The following PPM1B variants were observed in gnomAD, a reference collection of about 807,000 sequenced individuals.
PPM1B encodes protein phosphatase, Mg2+/Mn2+ dependent 1B, also known as protein phosphatase 1B.
In PPM1B, 22 loss-of-function variants were observed where a neutral mutation model predicts 43.0. The observed-to-expected ratio is 0.51, with a 90% confidence interval of 0.37 to 0.73. The LOEUF (loss-of-function observed/expected upper bound fraction) is 0.73, where lower values mean the gene tolerates loss of function less well. Ranked by LOEUF, PPM1B falls within the 30% of genes least tolerant of loss-of-function variation. The probability of loss-of-function intolerance (pLI) is 0.00; values close to 1 mark genes in which losing one functional copy is unlikely to be tolerated. For missense variants in PPM1B, 632 were observed against 584.2 expected (o/e 1.08, Z -0.84); for synonymous variants, 217 against 197.9 (o/e 1.10, Z -0.81).
chr2:44,246,897 G>C (rs549288979), downstream of PPM1B, among the ~76,000 whole-genome samples: 2 of 152,000 alleles, frequency 1.3e-5, no homozygotes, highest in South Asian at 4.2e-4. Context: ...CTGTATGTAT[G>C]TTATACTTCA....
intron 3 of PPM1B, among the ~76,000 whole-genome samples, chr2:44,212,537 G>A (rs556054788): frequency 2.0e-5 from 3 of 152,272 alleles, no homozygotes; most frequent in Admixed American, 6.5e-5. Context: ...AAATTATTCA[G>A]GAACATGAGA....
At chr2:44,240,905 A>T (rs1670730146) in intron 5 of PPM1B, among the ~76,000 whole-genome samples, 1 of 146,444 alleles carries the variant, frequency 6.8e-6, no homozygotes, top group Non-Finnish European at 1.5e-5. Flanking sequence ...GAGAGAAAGC[A>T]AGTTATAAGG....
At chr2:44,232,198 C>G, downstream of PPM1B, 1 of 1,429,532 alleles carries the variant, frequency 7.0e-7, no homozygotes. Context: ...TAAAAGTACC[C>G]TTTTCAGACA....
At chr2:44,229,327 A>G (rs537228163) in intron 5 of PPM1B, among the ~76,000 whole-genome samples, 67 of 152,306 alleles carry the variant, frequency 4.4e-4, no homozygotes, top group African/African-American at 1.6e-3. Flanking sequence ...AATATTGAAT[A>G]TCAAGTTTAA....
intron 1 of PPM1B, among the ~76,000 whole-genome samples, chr2:44,180,571 TTAAC>T (rs1234124081): frequency 6.6e-6 from 1 of 152,174 alleles, no homozygotes; most frequent in Non-Finnish European, 1.5e-5. Context: ...GTTGAAAAAT[TTAAC>T]TAGGACATTC....
intron 1 of PPM1B, among the ~76,000 whole-genome samples, chr2:44,172,265 A>G (rs1430485367): frequency 6.6e-6 from 1 of 152,234 alleles, no homozygotes; most frequent in African/African-American, 2.4e-5. Context: ...TACTGCTATT[A>G]TATTAGCAGC....
chr2:44,223,782 C>G (rs1294272697), intron 5 of PPM1B, among the ~76,000 whole-genome samples: 4 of 128,654 alleles, frequency 3.1e-5, no homozygotes, highest in Non-Finnish European at 6.2e-5. Context: ...CACCACTGCA[C>G]TCCAGCCTGG....
At position 44,201,192 on chromosome 2, in the gene PPM1B, T is replaced by C. The variant is rs1282872995; in HGVS notation, c.-8T>C. On this transcript the variant is annotated 5_prime_UTR_variant, in exon 2 of 6. Coordinates refer to ENST00000282412, the MANE Select transcript of PPM1B (RefSeq NM_002706.6). This position sits in a 1 kb window ranked among gnomAD's most constrained non-coding sequence, Gnocchi z 5.4. ...CCTGCATTTTTTATTTCAGATTTAT[T>C]GCTAAACATGGGTGCATTTTTGGAT... The C allele has an allele frequency of 6.4e-7, 1 of 1,572,390 alleles. No homozygotes were observed. Among genetic ancestry groups the C allele is most frequent in the Non-Finnish European group, 8.6e-7 (1 of 1,158,716 alleles).
In PPM1B at chr2:44,218,465, G is replaced by GA. The variant is rs1553335618; in HGVS notation, c.1077-15_1077-14insA. 1.2e-6 allele frequency: 1 copy of GA among 821,744 alleles called. No individual in the cohort carries two copies. Among genetic ancestry groups the GA allele is most frequent in the Non-Finnish European group, 1.7e-6 (1 of 589,606 alleles). The allele number at this position is 821,744 out of a possible 1,614,324, so 50.9% of individuals were successfully genotyped here. On this transcript the variant is annotated splice_polypyrimidine_tract_variant and intron_variant, in intron 4 of 5. Transcript: ENST00000282412. ...GTGTAATTTAATAAAACTAAAGCAT[G>GA]TTTTTTTTTTTTAGGCGTAATGTTA...
At chr2:44,228,067 C>T (rs1350902280) in intron 5 of PPM1B, among the ~76,000 whole-genome samples, 2 of 151,508 alleles carry the variant, frequency 1.3e-5, no homozygotes, top group East Asian at 1.9e-4. Context: ...GGATTGCAGG[C>T]ACTTGCCACT....
intron 1 of PPM1B, among the ~76,000 whole-genome samples, chr2:44,197,837 G>A (rs72800982): frequency 0.012 from 1,853 of 152,234 alleles, 28 homozygotes; most frequent in Non-Finnish European, 0.018. Flanking sequence ...ATGATATAGT[G>A]TATATCAGTA....
At chr2:44,213,936 C>T (rs1669601379) in intron 3 of PPM1B, among the ~76,000 whole-genome samples, 1 of 152,172 alleles carries the variant, frequency 6.6e-6, no homozygotes, top group Non-Finnish European at 1.5e-5. Context: ...CCTTCTTCCT[C>T]ATTCATAAAG....
intron 1 of PPM1B, among the ~76,000 whole-genome samples, chr2:44,184,093 A>G (rs1390366178): frequency 1.3e-5 from 2 of 152,122 alleles, no homozygotes; most frequent in African/African-American, 2.4e-5. Context: ...TCTTAACCTC[A>G]TTGTATGTTT....
In PPM1B at chr2:44,209,416, A is replaced by G. The variant is rs1669350061; in HGVS notation, c.964+89A>G. On this transcript the variant is annotated intron_variant, in intron 3 of 5. Transcript: ENST00000282412. ...AGCACTTTTGTCGCCTGGGCGACAC[A>G]CCAAGGCTCTGTCTCAAAAAAAAAA... 13 of 1,368,878 alleles carry G rather than the reference A, an allele frequency of 9.5e-6. No homozygotes were observed. The East Asian group carries it at 1.7e-4, about 18-fold the overall frequency. 84.8% of individuals were successfully genotyped at this position (1,368,878 alleles called of 1,614,324 possible).
intron 5 of PPM1B, among the ~76,000 whole-genome samples, chr2:44,226,300 C>A (rs1045027602): frequency 6.6e-6 from 1 of 152,020 alleles, no homozygotes; most frequent in East Asian, 1.9e-4. Flanking sequence ...AAAGCAACTT[C>A]TCTTCCCCAA....
intron 3 of PPM1B, among the ~76,000 whole-genome samples, chr2:44,217,347 C>G (rs1669769465): frequency 6.7e-6 from 1 of 148,294 alleles, no homozygotes; most frequent in South Asian, 2.1e-4. Context: ...TGCAGTGAGC[C>G]AAGATCACGC....
chr2:44,183,144 C>A (rs945147212), intron 1 of PPM1B, among the ~76,000 whole-genome samples: 3 of 152,132 alleles, frequency 2.0e-5, no homozygotes, highest in Non-Finnish European at 4.4e-5. Flanking sequence ...ATGCTAATAC[C>A]ACTTGGGTCT....
intron 1 of PPM1B, among the ~76,000 whole-genome samples, chr2:44,198,905 C>T (rs551005769): frequency 2.0e-5 from 3 of 152,234 alleles, no homozygotes; most frequent in South Asian, 2.1e-4. Flanking sequence ...TTTTTCACTA[C>T]GTATTTTGCA....
chr2:44,219,447 G>A (rs1439966631), intron 5 of PPM1B, among the ~76,000 whole-genome samples: 3 of 151,900 alleles, frequency 2.0e-5, no homozygotes, highest in African/African-American at 7.3e-5. Context: ...TATTTGCTAG[G>A]ATTCATTGTT....
Sources: allele counts gnomAD v4.1 joint callset (sites outside exome capture counted in the v4.1 genomes callset), GRCh38; gene constraint gnomAD v4.1.1; non-coding constraint Gnocchi (gnomAD v3.1); transcripts MANE v1.5; gene names NCBI Gene and HGNC (gene_info 2026-07-23, HGNC 2026-07-21).